Variants in CPA6 observed in about 807,000 individuals in gnomAD.
CPA6 encodes carboxypeptidase A6, also known as carboxypeptidase B.
CPA6 carries 58 observed loss-of-function variants against 63.3 expected under a neutral mutation model. That is an observed-to-expected ratio of 0.92 (90% CI 0.74 to 1.14). The LOEUF (loss-of-function observed/expected upper bound fraction) is 1.14. CPA6 is among the 50% of genes most tolerant of loss of function. The pLI, the probability that CPA6 is intolerant of heterozygous loss-of-function variation, is 0.00. For missense variants in CPA6, 565 were observed against 526.6 expected, an observed-to-expected ratio of 1.07 and a Z score of -0.71; for synonymous variants, 185 against 179.0, an observed-to-expected ratio of 1.03 and a Z score of -0.27.
intron 1 of CPA6, among the ~76,000 whole-genome samples, chr8:67,636,447 A>G (rs1284447667): frequency 6.6e-6 from 1 of 151,538 alleles, no homozygotes; most frequent in Non-Finnish European, 1.5e-5. Flanking sequence ...TACTTTGGAT[A>G]TTTTTAGAGG....
chr8:67,705,800 G>A (rs1415529282), intron 1 of CPA6, among the ~76,000 whole-genome samples: 1 of 152,150 alleles, frequency 6.6e-6, no homozygotes, highest in Non-Finnish European at 1.5e-5. Flanking sequence ...CTCTTGAGGT[G>A]GGCATAACTT....
At chr8:67,665,815 T>C (rs1008557456) in intron 1 of CPA6, among the ~76,000 whole-genome samples, 2 of 152,238 alleles carry the variant, frequency 1.3e-5, no homozygotes, top group African/African-American at 4.8e-5. Flanking sequence ...ACTGACAAGC[T>C]ACTTAACCTC....
At position 67,733,759 on chromosome 8, in the gene CPA6, G is replaced by T. The variant is rs552128787; in HGVS notation, c.116+12255C>A. Among the ~76,000 whole-genome samples, 49 of 152,174 alleles carry T rather than the reference G, an allele frequency of 3.2e-4. No homozygotes were observed. The South Asian group carries it at 8.5e-3, about 27-fold the overall frequency. The stretch of plus-strand genomic sequence containing the variant: ...AAGGTATTGCCTTGGAAAGGAGTGG[G>T]GGGCGGTGGGGGCGGGATCAGGAAC... On this transcript the variant is annotated intron_variant, in intron 1 of 10. Coordinates refer to ENST00000297770, the MANE Select transcript of CPA6 (RefSeq NM_020361.5).
At chr8:67,471,437 C>T (rs759365491) in intron 8 of CPA6, among the ~76,000 whole-genome samples, 30 of 152,018 alleles carry the variant, frequency 2.0e-4, no homozygotes, top group African/African-American at 6.8e-4. Context: ...ATATAAAATG[C>T]ATTTGGTATT....
chr8:67,694,575 A>G (rs1198045682), intron 1 of CPA6, among the ~76,000 whole-genome samples: 1 of 152,234 alleles, frequency 6.6e-6, no homozygotes, highest in Non-Finnish European at 1.5e-5. Context: ...ATTAAGTTAC[A>G]TGAAGAAGTG....
chr8:67,633,680 CA>C (rs35134242), intron 1 of CPA6, among the ~76,000 whole-genome samples: 305 of 112,058 alleles, frequency 2.7e-3, no homozygotes, highest in Middle Eastern at 0.016. Context: ...GACTCCGTCT[CA>C]AAAAAAAAAA....
chr8:67,679,146 T>C (rs1398995338), intron 1 of CPA6, among the ~76,000 whole-genome samples: 1 of 152,200 alleles, frequency 6.6e-6, no homozygotes, highest in Non-Finnish European at 1.5e-5. Flanking sequence ...ATGTATACGT[T>C]CTGAGGAGTC....
At chr8:67,571,697 G>T (rs1813489496) in intron 2 of CPA6, among the ~76,000 whole-genome samples, 2 of 152,128 alleles carry the variant, frequency 1.3e-5, no homozygotes. Flanking sequence ...AAAAGCAGTT[G>T]TAAGAGGAAA....
intron 2 of CPA6, among the ~76,000 whole-genome samples, chr8:67,581,340 C>A (rs1346415217): frequency 6.6e-6 from 1 of 152,040 alleles, no homozygotes; most frequent in East Asian, 1.9e-4. Flanking sequence ...ATTACTCATT[C>A]ATGGGGACTA....
At chr8:67,518,581 C>G (rs570329810) in intron 2 of CPA6, among the ~76,000 whole-genome samples, 2 of 150,510 alleles carry the variant, frequency 1.3e-5, no homozygotes, top group African/African-American at 4.9e-5. Context: ...ATCTCAGTTC[C>G]CTGCAATCTC....
intron 3 of CPA6, among the ~76,000 whole-genome samples, chr8:67,513,473 C>CT (rs34256997): frequency 6.6e-6 from 1 of 151,986 alleles, no homozygotes; most frequent in Admixed American, 6.6e-5. Context: ...CTCCTGGCTA[C>CT]TTTTTTCGAT....
intron 2 of CPA6, among the ~76,000 whole-genome samples, chr8:67,604,153 A>G (rs1187172768): frequency 3.3e-5 from 5 of 152,364 alleles, no homozygotes; most frequent in Admixed American, 1.3e-4. Flanking sequence ...TTGTTCCTCA[A>G]AACACTGGAG....
At chr8:67,453,495 T>C (rs1810601906) in intron 8 of CPA6, among the ~76,000 whole-genome samples, 1 of 152,124 alleles carries the variant, frequency 6.6e-6, no homozygotes, top group African/African-American at 2.4e-5. Flanking sequence ...AAGATGCTAA[T>C]AGATATGATA....
intron 6 of CPA6, among the ~76,000 whole-genome samples, chr8:67,501,132 G>A (rs1309234128): frequency 6.6e-6 from 1 of 151,978 alleles, no homozygotes; most frequent in Non-Finnish European, 1.5e-5. Flanking sequence ...TAGGAATTGT[G>A]TTAAATCTCT....
chr8:67,713,099 G>GTGTATATATATATATA (rs1328463977), intron 1 of CPA6, among the ~76,000 whole-genome samples: 1 of 55,034 alleles, frequency 1.8e-5, no homozygotes, highest in African/African-American at 7.4e-5. Context: ...GTGTGTGTGT[G>GTGTATATATATATATA]TATATATATA....
At chr8:67,498,125 G>A (rs114150758) in intron 6 of CPA6, among the ~76,000 whole-genome samples, 4,531 of 152,226 alleles carry the variant, frequency 0.03, 226 homozygotes, top group African/African-American at 0.1. Context: ...TTTGCAGAAA[G>A]ATAACTTCCA....
intron 2 of CPA6, among the ~76,000 whole-genome samples, chr8:67,527,955 C>T (rs147356721): frequency 1.6e-3 from 244 of 152,220 alleles, no homozygotes; most frequent in African/African-American, 5.0e-3. Flanking sequence ...GCGGAGGATC[C>T]GGAGATGGTT....
chr8:67,545,580 T>TTGTTTG (rs1554672938), intron 2 of CPA6, among the ~76,000 whole-genome samples: 1 of 125,634 alleles, frequency 8.0e-6, no homozygotes. Context: ...TTTTTTTTTT[T>TTGTTTG]TTTTGAGATG....
chr8:67,515,464 C>A (rs1812124076), intron 3 of CPA6, among the ~76,000 whole-genome samples: 1 of 152,180 alleles, frequency 6.6e-6, no homozygotes, highest in African/African-American at 2.4e-5. Flanking sequence ...GATACACATT[C>A]TTTTGTGGCT....
Sources: allele counts gnomAD v4.1 joint callset (sites outside exome capture counted in the v4.1 genomes callset), GRCh38; gene constraint gnomAD v4.1.1; transcripts MANE v1.5; gene names NCBI Gene and HGNC (gene_info 2026-07-23, HGNC 2026-07-21).